Variants in SNED1 observed in about 807,000 individuals in gnomAD.
SNED1 encodes sushi, nidogen and EGF like domains 1.
In SNED1, 81 loss-of-function variants were observed where a neutral mutation model predicts 166.7. The ratio of observed to expected loss-of-function variants is 0.49; its 90% CI spans 0.41 to 0.58. The LOEUF (loss-of-function observed/expected upper bound fraction) is 0.58. SNED1 is among the 20% of genes least tolerant of loss of function. The pLI is 0.00. For missense variants in SNED1, 1,604 were observed against 2,000.2 expected (o/e 0.80, Z 3.78); for synonymous variants, 762 against 822.0 (o/e 0.93, Z 1.25).
At chr2:241,090,232 T>G (rs1179318092) in intron 31 of SNED1, 2 of 1,492,514 alleles carry the variant, frequency 1.3e-6, no homozygotes, top group Admixed American at 2.5e-5. Context: ...CTATTTAACT[T>G]TTGTTAAAAA....
chr2:241,052,193 G>T (rs2061864384), intron 14 of SNED1, 36 bp downstream of exon 14: 2 of 1,568,996 alleles, frequency 1.3e-6, no homozygotes, highest in Admixed American at 3.3e-5. Context: ...GGGCGGCCAG[G>T]GGTGAACCCT....
intron 16 of SNED1, 140 bp downstream of exon 16, chr2:241,053,466 CCTGT>C: frequency 1.2e-6 from 1 of 851,128 alleles, no homozygotes; most frequent in Non-Finnish European, 1.8e-6. Flanking sequence ...CCCTCAGTCT[CCTGT>C]CTGTGAATGT....
intron 1 of SNED1, among the ~76,000 whole-genome samples, chr2:241,022,726 C>T (rs2060808991): frequency 6.6e-6 from 1 of 152,208 alleles, no homozygotes; most frequent in Admixed American, 6.5e-5. Flanking sequence ...CCTTCCTCTT[C>T]CAGAAAGTCA....
Position 241,068,842 on chromosome 2 carries a change from G to C in SNED1, c.3195-69G>C. On this transcript the variant is annotated intron_variant, in intron 22 of 31. Coordinates refer to ENST00000310397, the MANE Select transcript of SNED1 (RefSeq NM_001080437.3). The surrounding 1 kb of genome is among the most constrained non-coding windows in gnomAD (Gnocchi z 5.3). ...GTCACCTCCTGCCTGGGGGAGCTGC[G>C]GTCTGGCAGCAGAGTCACACACAGG... is the stretch of plus-strand genomic sequence containing the variant. The C allele has an allele frequency of 9.0e-7, 1 of 1,106,444 alleles. No homozygotes were observed. Among genetic ancestry groups the C allele is most frequent in the Non-Finnish European group, 1.3e-6 (1 of 768,994 alleles). 68.5% of individuals were successfully genotyped at this position (1,106,444 alleles called of 1,614,324 possible).
At position 240,999,554 on chromosome 2, in the gene SNED1, G is replaced by A. The variant is rs1360643033; in HGVS notation, c.213+504G>A. On this transcript the variant is annotated intron_variant, in intron 1 of 31. Transcript: ENST00000310397. This position sits in a 1 kb window ranked among gnomAD's most constrained non-coding sequence, Gnocchi z 5.8. ...TGGACCCCTTGCCCAGGCGCTCAGGGCAGGGCCTGCTTCTTCGCTGACCCT... is the reference window on the plus strand; with the variant it reads ...TGGACCCCTTGCCCAGGCGCTCAGGACAGGGCCTGCTTCTTCGCTGACCCT... Among the ~76,000 whole-genome samples, 2 of 152,204 alleles carry A rather than the reference G, an allele frequency of 1.3e-5. No individual in the cohort carries two copies. Among genetic ancestry groups the A allele is most frequent in the Non-Finnish European group, 2.9e-5 (2 of 68,018 alleles).
In SNED1 at chr2:241,051,904, A is replaced by G; in HGVS notation, c.1852+44A>G. The G allele has an allele frequency of 6.7e-7, 1 of 1,501,128 alleles. No homozygotes were observed. Among genetic ancestry groups the G allele is most frequent in the South Asian group, 1.3e-5 (1 of 79,024 alleles). The allele number at this position is 1,501,128 out of a possible 1,614,324, so 93.0% of individuals were successfully genotyped here. On this transcript the variant is annotated intron_variant, in intron 13 of 31. Coordinates refer to ENST00000310397, the MANE Select transcript of SNED1 (RefSeq NM_001080437.3). The surrounding 1 kb of genome is among the most constrained non-coding windows in gnomAD (Gnocchi z 4.7). ...GGGGGGAGGGCAGGAACGACGGGCC[A>G]GCCCTGAGCTGGGGCCCCTGATGCA...
chr2:241,036,833 G>A lies in SNED1; in HGVS notation c.849G>A (p.Lys283=). The change falls in exon 5 of 32, where the codon AAG becomes AAA. Residue 283 remains lysine (K), a synonymous_variant. Coordinates refer to ENST00000310397, the MANE Select transcript of SNED1 (RefSeq NM_001080437.3). ...TGCGCCCCTGCCTCAACGGCGGCAA[G>A]TGCATCGACGACTGCGTCACGGGCA... is the stretch of plus-strand genomic sequence containing the variant. ...LALRPCLNGG[K]CIDDCVTGNP... 1.2e-6 allele frequency: 2 copies of A among 1,611,232 alleles called. No homozygotes were observed. Among genetic ancestry groups the A allele is most frequent in the South Asian group, 1.1e-5 (1 of 91,086 alleles).
At chr2:241,053,130 A>T in intron 15 of SNED1, 23 bp from the exon 16 acceptor site, 1 of 1,601,046 alleles carries the variant, frequency 6.2e-7, no homozygotes, top group South Asian at 1.1e-5. Flanking sequence ...GGACCGTGCG[A>T]GACAGGCTGC....
In SNED1 at chr2:241,048,321, A is replaced by AT; in HGVS notation, c.1281dup (p.Pro428SerfsTer44). On this transcript the variant is annotated frameshift_variant, in exon 9 of 32. Coordinates refer to ENST00000310397, the MANE Select transcript of SNED1 (RefSeq NM_001080437.3). LOFTEE classifies it high-confidence loss of function. ...ACTGCCGTCTTTCTTGCAGGAGACC[A>AT]TCCAGTGCCAGACGCCTGCCTCTCG... 6.2e-7 allele frequency: 1 copy of AT among 1,603,606 alleles called. No homozygotes were observed.
At position 241,094,618 on chromosome 2, in the gene SNED1, AAC is replaced by A; in HGVS notation, c.*2984_*2985del. ...TTACCATCTGAAGTTGTCACGAGTG[AAC>A]AGTCACATTACTGTTGTGGACCAGG... is the stretch of plus-strand genomic sequence containing the variant. On this transcript the variant is annotated 3_prime_UTR_variant, in exon 32 of 32. Coordinates refer to ENST00000310397, the MANE Select transcript of SNED1 (RefSeq NM_001080437.3). This position sits in a 1 kb window ranked among gnomAD's most constrained non-coding sequence, Gnocchi z 4.3. 1 of 351,480 alleles carries A rather than the reference AAC, an allele frequency of 2.8e-6. No individual in the cohort carries two copies. Among genetic ancestry groups the A allele is most frequent in the Non-Finnish European group, 5.6e-6 (1 of 178,990 alleles). The allele number at this position is 351,480 out of a possible 1,614,324, so 21.8% of individuals were successfully genotyped here.
chr2:241,019,302 C>A (rs1185201478), intron 1 of SNED1, among the ~76,000 whole-genome samples: 1 of 152,162 alleles, frequency 6.6e-6, no homozygotes, highest in African/African-American at 2.4e-5. Context: ...TGGGAGGGAT[C>A]CTGGAATATC....
At chr2:241,033,651 C>T in intron 2 of SNED1, 84 bp from the exon 3 acceptor site, 1 of 1,434,800 alleles carries the variant, frequency 7.0e-7, no homozygotes, top group Admixed American at 2.3e-5. Context: ...TGGACAATGA[C>T]AGTGCACCAG....
chr2:241,051,918 G>T lies in SNED1; in HGVS notation c.1852+58G>T. The T allele has an allele frequency of 6.8e-7, 1 of 1,477,354 alleles. No individual in the cohort carries two copies. The highest frequency in any genetic ancestry group is 2.5e-5 in the East Asian group (1 of 40,704). The allele number at this position is 1,477,354 out of a possible 1,614,324, so 91.5% of individuals were successfully genotyped here. On this transcript the variant is annotated intron_variant, in intron 13 of 31. Coordinates refer to ENST00000310397, the MANE Select transcript of SNED1 (RefSeq NM_001080437.3). The surrounding 1 kb of genome is among the most constrained non-coding windows in gnomAD (Gnocchi z 4.7). The stretch of plus-strand genomic sequence containing the variant: ...AACGACGGGCCAGCCCTGAGCTGGG[G>T]CCCCTGATGCACCCTCCCTGCCAGC...
At chr2:241,057,412 T>TATATATATATA (rs1553574678) in intron 16 of SNED1, among the ~76,000 whole-genome samples, 1 of 129,374 alleles carries the variant, frequency 7.7e-6, no homozygotes, top group African/African-American at 3.0e-5. Context: ...TATATATATA[T>TATATATATATA]GCCATACGCA....
chr2:241,022,227 C>A (rs550291800), intron 1 of SNED1, among the ~76,000 whole-genome samples: 28 of 152,260 alleles, frequency 1.8e-4, no homozygotes, highest in African/African-American at 6.3e-4. Context: ...GTTTTGAATT[C>A]TGATAATATT....
intron 1 of SNED1, among the ~76,000 whole-genome samples, chr2:241,024,234 C>T (rs1323573168): frequency 1.0e-5 from 1 of 99,172 alleles, no homozygotes; most frequent in Non-Finnish European, 1.9e-5. Flanking sequence ...CACTCTACTA[C>T]CTTTTTTTTT....
At chr2:241,088,071 C>A (rs1049306265) in intron 30 of SNED1, 3 of 467,298 alleles carry the variant, frequency 6.4e-6, no homozygotes, top group Non-Finnish European at 7.6e-6. Context: ...GTCACCGGCT[C>A]TTCCCTAGGG....
intron 11 of SNED1, among the ~76,000 whole-genome samples, chr2:241,049,495 C>T (rs1056144990): frequency 6.6e-6 from 1 of 152,216 alleles, no homozygotes; most frequent in Admixed American, 6.5e-5. Flanking sequence ...GATGGTTAAT[C>T]ACTTGCATCA....
intron 1 of SNED1, among the ~76,000 whole-genome samples, chr2:241,024,515 G>A (rs1039601285): frequency 2.0e-5 from 3 of 150,354 alleles, no homozygotes; most frequent in African/African-American, 7.3e-5. Context: ...CAAAATGCTG[G>A]GATTACAGGT....
Sources: allele counts gnomAD v4.1 joint callset (sites outside exome capture counted in the v4.1 genomes callset), GRCh38; gene constraint gnomAD v4.1.1; non-coding constraint Gnocchi (gnomAD v3.1); transcripts MANE v1.5; gene names NCBI Gene and HGNC (gene_info 2026-07-23, HGNC 2026-07-21).